The following PLD2 variants were observed in gnomAD, a reference collection of about 807,000 sequenced individuals.
The protein encoded by PLD2 is choline phosphatase 2.
In PLD2, 101 loss-of-function variants were observed where a neutral mutation model predicts 119.8. The ratio of observed to expected loss-of-function variants is 0.84; its 90% confidence interval spans 0.72 to 0.99. The LOEUF is 0.99. Among genes scored for constraint, PLD2 ranks in the 50% least tolerant of loss-of-function variants. The probability of loss-of-function intolerance (pLI) is 0.00; values close to 1 mark genes in which losing one functional copy is unlikely to be tolerated. For synonymous variants in PLD2, 494 were observed against 482.8 expected (o/e 1.02, Z -0.30); for missense variants, 1,164 against 1,226.8 (o/e 0.95, Z 0.76).
chr17:4,820,246 G>A (rs11656427), intron 23 of PLD2, among the ~76,000 whole-genome samples: 10,883 of 141,692 alleles, frequency 0.077, 563 homozygotes, highest in East Asian at 0.27. Flanking sequence ...ACCTGGCCAC[G>A]AAAAAGAAAT....
chr17:4,808,317 A>C lies in PLD2; in HGVS notation c.284A>C (p.Asp95Ala). ...TLYSVRLTHG[D>A]FSWTTKKKYR... is the part of the protein sequence containing the mutation. ...TATTCTGTCCGCTTGACTCACGGCG[A>C]CTTTTCCTGGACAACCAAGAAGAAA... Residue 95 changes from aspartate (D) to alanine (A), a missense_variant, in exon 4 of 25, where the codon GAC (aspartate) becomes GCC (alanine). Coordinates refer to ENST00000263088, the MANE Select transcript of PLD2 (RefSeq NM_002663.5). The surrounding 1 kb of genome is among the most constrained non-coding windows in gnomAD (Gnocchi z 4.1). 6.2e-7 allele frequency: 1 copy of C among 1,614,032 alleles called. No homozygotes were observed.
rs1042012135 is a variant in PLD2 at position 4,815,746 on chromosome 17, C to T, written c.1285-18C>T. 1.2e-6 allele frequency: 2 copies of T among 1,612,576 alleles called. No homozygotes were observed. The highest frequency in any genetic ancestry group is 1.7e-6 in the Non-Finnish European group (2 of 1,179,022). On this transcript the variant is annotated intron_variant, in intron 13 of 24. Coordinates refer to ENST00000263088, the MANE Select transcript of PLD2 (RefSeq NM_002663.5). ...TTCACCTAAACCCACCCTCATGAACCCTCCATGCCTGCTCCAGGTGATGCG... is the reference window on the plus strand; with the variant it reads ...TTCACCTAAACCCACCCTCATGAACTCTCCATGCCTGCTCCAGGTGATGCG...
chr17:4,815,503 CT>C lies in PLD2; in HGVS notation c.1202del (p.Leu401ArgfsTer20). 6.2e-7 allele frequency: 1 copy of C among 1,612,540 alleles called. No individual in the cohort carries two copies. The highest frequency in any genetic ancestry group is 8.5e-7 in the Non-Finnish European group (1 of 1,178,644). Reference sequence around the variant, plus strand: ...GGAGGGTGTCCGTGTGTCTATTCTGCTGTTTAAAGAAGTGGAATTGGCCTTG... The same window carrying C: ...GGAGGGTGTCCGTGTGTCTATTCTGCGTTTAAAGAAGTGGAATTGGCCTTG... Reference protein sequence around the residue: ...AEEGVRVSILLFKEVELALGI... With the variant: ...AEEGVRVSILXFKEVELALGI... On this transcript the variant is annotated frameshift_variant, in exon 13 of 25. Transcript: ENST00000263088. LOFTEE classifies it high-confidence loss of function.
rs2150665952 is a variant in PLD2 at position 4,807,458 on chromosome 17, T to G, written c.-2+233T>G. The G allele has an allele frequency of 1.2e-5, 3 of 245,978 alleles. No individual in the cohort carries two copies. The highest frequency in any genetic ancestry group is 8.5e-5 in the East Asian group (1 of 11,726). The allele number at this position is 245,978 out of a possible 1,614,324, so 15.2% of individuals were successfully genotyped here. ...CGCTCTCCGGACCACCCAGGGCCGC[T>G]TCCCCGCGCAGCTGCTGCGCCGCCC... On this transcript the variant is annotated intron_variant, in intron 1 of 24. Coordinates refer to ENST00000263088, the MANE Select transcript of PLD2 (RefSeq NM_002663.5). The surrounding 1 kb of genome is among the most constrained non-coding windows in gnomAD (Gnocchi z 5.4).
intron 23 of PLD2, among the ~76,000 whole-genome samples, chr17:4,821,231 T>C (rs552797709): frequency 1.3e-5 from 2 of 152,142 alleles, no homozygotes; most frequent in African/African-American, 4.8e-5. Context: ...AGTAATTTTT[T>C]TCACAGGTTC....
intron 23 of PLD2, among the ~76,000 whole-genome samples, chr17:4,820,514 C>T (rs1192805077): frequency 6.7e-6 from 1 of 148,640 alleles, no homozygotes; most frequent in African/African-American, 2.5e-5. Context: ...GCTTCGGCCT[C>T]CCAAAGTGCT....
At position 4,807,920 on chromosome 17, in the gene PLD2, C is replaced by G; in HGVS notation, c.109+39C>G. On this transcript the variant is annotated intron_variant, in intron 2 of 24. Transcript: ENST00000263088. The surrounding 1 kb of genome is among the most constrained non-coding windows in gnomAD (Gnocchi z 5.4). ...ATGGATGGCCCTCAGGGAGGAGAGG[C>G]GTTCGGGAGCCAGGGGGCTGGGGCC... is the stretch of plus-strand genomic sequence containing the variant. 2 of 1,606,594 alleles carry G rather than the reference C, an allele frequency of 1.2e-6. No individual in the cohort carries two copies. The highest frequency in any genetic ancestry group is 3.3e-4 in the Middle Eastern group (2 of 6,042).
chr17:4,819,483 C>T lies in PLD2; in HGVS notation c.2363C>T (p.Ala788Val), dbSNP rs112972751. 1.2e-6 allele frequency: 2 copies of T among 1,613,894 alleles called. No individual in the cohort carries two copies. Among genetic ancestry groups the T allele is most frequent in the Non-Finnish European group, 1.7e-6 (2 of 1,179,992 alleles). ...CTGGGGAAGCGGGACAGTGAGCTGG[C>T]CGTGCTGATCGAGGACACAGAGACG... ...SLLGKRDSELAVLIEDTETEP... is the reference protein window; with the variant it reads ...SLLGKRDSELVVLIEDTETEP... Residue 788 changes from alanine to valine, a missense_variant, in exon 23 of 25, where the codon GCC (alanine) becomes GTC (valine). Coordinates refer to ENST00000263088, the MANE Select transcript of PLD2 (RefSeq NM_002663.5). This position sits in a 1 kb window ranked among gnomAD's most constrained non-coding sequence, Gnocchi z 4.2.
Position 4,814,033 on chromosome 17 carries a change from T to A in PLD2, c.1011-385T>A, listed in dbSNP as rs1183154315. 2.4e-5 allele frequency: 5 copies of A among 204,810 alleles called. No homozygotes were observed. The South Asian group carries it at 3.8e-4, about 16-fold the overall frequency. The allele number at this position is 204,810 out of a possible 1,614,324, so 12.7% of individuals were successfully genotyped here. A position where few individuals can be genotyped will look rare whatever the true frequency, so the allele number is the denominator to read the frequency against. On this transcript the variant is annotated intron_variant, in intron 10 of 24. Transcript: ENST00000263088. ...TTTTTAAATGTAATTTCATTTTAATTTCGTTGTTTACTAGTGAAACTGAAC... is the reference window on the plus strand; with the variant it reads ...TTTTTAAATGTAATTTCATTTTAATATCGTTGTTTACTAGTGAAACTGAAC...
rs1453163469 is a variant in PLD2 at position 4,818,596 on chromosome 17, C to T, written c.2112C>T (p.His704=). The T allele has an allele frequency of 6.2e-7, 1 of 1,612,648 alleles. No individual in the cohort carries two copies. The highest frequency in any genetic ancestry group is 1.1e-5 in the South Asian group (1 of 91,060). Residue 704 remains histidine (H), a synonymous_variant, in exon 20 of 25, where the codon CAC becomes CAT. Transcript: ENST00000263088. Reference sequence around the variant, plus strand: ...GCAACTCCATCCAGGCCATTCTGCACTTTACTTACAGGTGACCCCCCAGGC... The same window carrying T: ...GCAACTCCATCCAGGCCATTCTGCATTTTACTTACAGGTGACCCCCCAGGC... ...GGGNSIQAIL[H]FTYRTLCRGE...
intron 23 of PLD2, among the ~76,000 whole-genome samples, chr17:4,820,556 C>CAA (rs1162927219): frequency 0.088 from 6,445 of 73,366 alleles, 213 homozygotes; most frequent in Non-Finnish European, 0.13. Flanking sequence ...CGCCCCTGGC[C>CAA]AAAAAAAAAA....
At chr17:4,811,013 T>G in intron 10 of PLD2, 62 bp downstream of exon 10, 2 of 1,500,830 alleles carry the variant, frequency 1.3e-6, no homozygotes, top group East Asian at 2.3e-5. Flanking sequence ...GTGTAATCTC[T>G]GAGTCCTTCA....
rs1348699157 is a variant in PLD2 at position 4,817,041 on chromosome 17, T to C, written c.1687T>C (p.Trp563Arg). Residue 563 changes from tryptophan to arginine, a missense_variant, in exon 16 of 25, where the codon TGG becomes CGG. Trp to Arg is a moderately radical substitution (Grantham distance 101). Transcript: ENST00000263088. ...RDLARHFIQR[W>R]NFTKTTKAKY... is the part of the protein sequence containing the mutation. ...CCTTGCCCGGCACTTCATCCAGCGC[T>C]GGAACTTCACCAAGGTGTTCATTCC... 2 of 1,613,496 alleles carry C rather than the reference T, an allele frequency of 1.2e-6. No homozygotes were observed. Among genetic ancestry groups the C allele is most frequent in the East Asian group, 2.2e-5 (1 of 44,860 alleles).
intron 10 of PLD2, 94 bp downstream of exon 10, chr17:4,811,045 C>T: frequency 8.0e-7 from 1 of 1,253,682 alleles, no homozygotes; most frequent in Admixed American, 2.3e-5. Flanking sequence ...CTCATCTGAA[C>T]CCTCCTGACC....
intron 20 of PLD2, 36 bp downstream of exon 20, chr17:4,818,643 C>T: frequency 6.4e-7 from 1 of 1,560,146 alleles, no homozygotes; most frequent in Non-Finnish European, 8.8e-7. Flanking sequence ...CTCAGTGGCC[C>T]CATCCCACCC....
At position 4,818,212 on chromosome 17, in the gene PLD2, C is replaced by T. The variant is rs1043026681; in HGVS notation, c.1921-85C>T. The T allele has an allele frequency of 3.6e-5, 51 of 1,425,988 alleles. No individual in the cohort carries two copies. The South Asian group carries it at 3.9e-4, about 11-fold the overall frequency. 88.3% of individuals were successfully genotyped at this position (1,425,988 alleles called of 1,614,324 possible). Reference sequence around the variant, plus strand: ...TGAGGGCTGGTGGAGCAGAAGCAGACGCCTGGAGCCTGGGACCAAGGCTGG... The same window carrying T: ...TGAGGGCTGGTGGAGCAGAAGCAGATGCCTGGAGCCTGGGACCAAGGCTGG... On this transcript the variant is annotated intron_variant, in intron 18 of 24. Transcript: ENST00000263088.
In PLD2 at chr17:4,819,137, G is replaced by T. The variant is rs1286958560; in HGVS notation, c.2227G>T (p.Glu743Ter). The change falls in exon 22 of 25, where the codon GAG becomes TAG. Residue 743 changes from glutamate (E) to a stop codon, truncating the protein, a stop_gained. Coordinates refer to ENST00000263088, the MANE Select transcript of PLD2 (RefSeq NM_002663.5). LOFTEE classifies it high-confidence loss of function. The surrounding 1 kb of genome is among the most constrained non-coding windows in gnomAD (Gnocchi z 4.2). ...CATCTGCGGGCTTCGTACACACGGA[G>T]AGCTGGGCGGGCACCCCGTCTCGGA... ...ISICGLRTHG[E>*]LGGHPVSELI... The T allele has an allele frequency of 6.2e-7, 1 of 1,614,186 alleles. No individual in the cohort carries two copies. The highest frequency in any genetic ancestry group is 8.5e-7 in the Non-Finnish European group (1 of 1,180,036).
In PLD2 at chr17:4,823,309, C is replaced by G. The variant is rs1173630616; in HGVS notation, c.*445C>G. 1 of 160,062 alleles carries G rather than the reference C, an allele frequency of 6.2e-6. No homozygotes were observed. Among genetic ancestry groups the G allele is most frequent in the Non-Finnish European group, 1.4e-5 (1 of 73,198 alleles). The allele number at this position is 160,062 out of a possible 1,614,324, so 9.9% of individuals were successfully genotyped here. On this transcript the variant is annotated 3_prime_UTR_variant, in exon 25 of 25. Coordinates refer to ENST00000263088, the MANE Select transcript of PLD2 (RefSeq NM_002663.5). ...GGTGGAGGGAAGGATAAAGCCACTTCTGGCTTCAGCCCCCACCAGGGGAAG... is the reference window on the plus strand; with the variant it reads ...GGTGGAGGGAAGGATAAAGCCACTTGTGGCTTCAGCCCCCACCAGGGGAAG...
At chr17:4,811,302 T>C (rs1046309358) in intron 10 of PLD2, among the ~76,000 whole-genome samples, 3 of 146,142 alleles carry the variant, frequency 2.1e-5, no homozygotes, top group Non-Finnish European at 1.5e-5. Context: ...CTTTTCTTTT[T>C]TTTTTTTTTT....
Sources: gnomAD v4.1 joint callset for allele counts (sites outside exome capture counted in the v4.1 genomes callset) on GRCh38, gnomAD v4.1.1 for gene constraint, Gnocchi (gnomAD v3.1) non-coding constraint, MANE v1.5 for transcripts, NCBI Gene and HGNC (gene_info 2026-07-23, HGNC 2026-07-21) for gene names.